The following OTUD4 variants were observed in gnomAD, a reference collection of about 807,000 sequenced individuals.
OTUD4 encodes the protein OTU deubiquitinase 4, also known as OTU domain-containing protein 4.
A neutral mutation model predicts 130.4 loss-of-function variants in OTUD4; 24 were observed. The ratio of observed to expected loss-of-function variants is 0.18; its 90% CI spans 0.13 to 0.26. OTUD4 has a LOEUF of 0.26. Among genes scored for constraint, OTUD4 ranks in the 10% least tolerant of loss-of-function variants. The pLI is 1.00. For synonymous variants in OTUD4, 420 were observed against 472.5 expected (o/e 0.89, Z 1.44); for missense variants, 1,031 against 1,329.4 (o/e 0.78, Z 3.49).
intron 18 of OTUD4, among the ~76,000 whole-genome samples, 198 bp from the exon 19 acceptor site, chr4:145,141,837 T>C (rs140825285): frequency 1.5e-3 from 221 of 152,202 alleles, no homozygotes; most frequent in African/African-American, 5.1e-3. Context: ...TGTCTTCTAA[T>C]AGTAGCTCTT....
chr4:145,158,076 A>G, intron 7 of OTUD4, among the ~76,000 whole-genome samples: 1 of 152,260 alleles, frequency 6.6e-6, no homozygotes, highest in Middle Eastern at 3.2e-3. Flanking sequence ...AAGTCAGTCT[A>G]TTCTAGAATT....
In OTUD4 at chr4:145,180,550, A is replaced by G. The variant is rs1752646740; in HGVS notation, c.-577T>C. 6.6e-6 allele frequency among the ~76,000 whole-genome samples: 1 copy of G among 152,160 alleles called. No individual in the cohort carries two copies. The highest frequency in any genetic ancestry group is 2.1e-4 in the South Asian group (1 of 4,834). ...GAGAGAACAGCACCTCGCAGCCCAGAATTTGTTTTCGCTTTCGGCCCGACA... is the reference window on the plus strand; with the variant it reads ...GAGAGAACAGCACCTCGCAGCCCAGGATTTGTTTTCGCTTTCGGCCCGACA... On this transcript the variant is annotated 5_prime_UTR_variant, in exon 1 of 21. Transcript: ENST00000447906.
rs762042941 is a variant in OTUD4 at position 145,137,980 on chromosome 4, G to C, written c.2795C>G (p.Pro932Arg). Residue 932 changes from proline (P) to arginine (R), a missense_variant, in exon 21 of 21, where the codon CCG (proline) becomes CGG (arginine). Coordinates refer to ENST00000447906, the MANE Select transcript of OTUD4 (RefSeq NM_001366057.1). ...AGATTGCTCTGTCCGGCCTTCGTCC[G>C]GCTTACTGCTCACACTTGCTTCAGG... ...SLPEASVSSK[P>R]DEGRTEQSSQ... 19 of 1,613,980 alleles carry C rather than the reference G, an allele frequency of 1.2e-5. No homozygotes were observed. The highest frequency in any genetic ancestry group is 1.6e-5 in the Non-Finnish European group (19 of 1,180,034).
In OTUD4 at chr4:145,137,293, G is replaced by A; in HGVS notation, c.*137C>T. On this transcript the variant is annotated 3_prime_UTR_variant, in exon 21 of 21. Transcript: ENST00000447906. ...ACTCATGTCCAAAATGTCTTGTCCAGTATGGGAGTGAAGGTAAGGGGGGCT... is the reference window on the plus strand; with the variant it reads ...ACTCATGTCCAAAATGTCTTGTCCAATATGGGAGTGAAGGTAAGGGGGGCT... 1.4e-6 allele frequency: 1 copy of A among 699,060 alleles called. No homozygotes were observed. Among genetic ancestry groups the A allele is most frequent in the African/African-American group, 1.8e-5 (1 of 56,306 alleles). 43.3% of individuals were successfully genotyped at this position (699,060 alleles called of 1,614,324 possible). A position where few individuals can be genotyped will look rare whatever the true frequency, so the allele number is the denominator to read the frequency against.
chr4:145,140,877 T>A (rs896109531), intron 19 of OTUD4, among the ~76,000 whole-genome samples: 3 of 151,216 alleles, frequency 2.0e-5, no homozygotes, highest in East Asian at 1.9e-4. Context: ...CAAAAAAAAA[T>A]TTTCTGGGCC....
intron 3 of OTUD4, among the ~76,000 whole-genome samples, chr4:145,166,442 C>A (rs1184241186): frequency 1.3e-5 from 2 of 151,652 alleles, no homozygotes; most frequent in Non-Finnish European, 2.9e-5. Flanking sequence ...AGAAATATTT[C>A]ACATCTACAA....
intron 16 of OTUD4, 62 bp from the exon 17 acceptor site, chr4:145,143,507 T>C: frequency 2.1e-6 from 2 of 947,850 alleles, no homozygotes; most frequent in South Asian, 2.8e-5. Flanking sequence ...GGAATATTGA[T>C]GGTTTCCTTT....
intron 1 of OTUD4, among the ~76,000 whole-genome samples, chr4:145,178,994 T>G (rs1465429965): frequency 1.3e-5 from 2 of 152,060 alleles, no homozygotes; most frequent in African/African-American, 4.8e-5. Flanking sequence ...GCAGCTATTT[T>G]TCAATATAGG....
chr4:145,144,505 T>G, intron 14 of OTUD4, 71 bp from the exon 15 acceptor site: 1 of 1,398,646 alleles, frequency 7.1e-7, no homozygotes, highest in East Asian at 2.4e-5. Flanking sequence ...AATTCTGTAA[T>G]TAATCTCACT....
intron 10 of OTUD4, among the ~76,000 whole-genome samples, chr4:145,152,841 C>A (rs899274323): frequency 2.0e-5 from 3 of 152,012 alleles, no homozygotes; most frequent in African/African-American, 7.2e-5. Context: ...CTACCTTAGC[C>A]TCCCAAGTAG....
intron 1 of OTUD4, 41 bp from the exon 2 acceptor site, chr4:145,174,785 T>C (rs749988208): frequency 4.3e-5 from 50 of 1,157,348 alleles, no homozygotes; most frequent in Non-Finnish European, 6.1e-5. Context: ...AAGCATTTAG[T>C]TAAAAGTTAC....
Position 145,141,424 on chromosome 4 carries a change from C to A in OTUD4, c.2038G>T (p.Val680Leu). ...PCNEKGDRAIVPPYSLCQTGE... is the reference protein window; with the variant it reads ...PCNEKGDRAILPPYSLCQTGE... Reference sequence around the variant, plus strand: ...GTCTGACACAGTGAATAAGGTGGTACAATGGCTCGATCTCCCTTTTCATTA... The same window carrying A: ...GTCTGACACAGTGAATAAGGTGGTAAAATGGCTCGATCTCCCTTTTCATTA... Residue 680 changes from valine to leucine, a missense_variant, in exon 19 of 21, where the codon GTA becomes TTA. Val to Leu is a conservative substitution (Grantham distance 32, BLOSUM62 1). This residue lies in a region of OTUD4 where 900 missense variants were observed against 1,095.9 expected (regional missense o/e 0.82). Transcript: ENST00000447906. 1 of 1,613,436 alleles carries A rather than the reference C, an allele frequency of 6.2e-7. No homozygotes were observed. Among genetic ancestry groups the A allele is most frequent in the Non-Finnish European group, 8.5e-7 (1 of 1,179,608 alleles).
At position 145,142,311 on chromosome 4, in the gene OTUD4, C is replaced by G. The variant is rs570662194; in HGVS notation, c.1707G>C (p.Leu569Phe). The G allele has an allele frequency of 4.9e-5, 79 of 1,613,822 alleles. No individual in the cohort carries two copies. The highest frequency in any genetic ancestry group is 6.7e-5 in the Non-Finnish European group (79 of 1,179,898). Residue 569 changes from leucine (L) to phenylalanine (F), a missense_variant, in exon 18 of 21, where the codon TTG (leucine) becomes TTC (phenylalanine). This residue lies in a region of OTUD4 where 900 missense variants were observed against 1,095.9 expected (regional missense o/e 0.82). Coordinates refer to ENST00000447906, the MANE Select transcript of OTUD4 (RefSeq NM_001366057.1). ...AEQKPAEHVS[L>F]SNPAPLLVSP... is the part of the protein sequence containing the mutation. ...AAACTAGAAGGGGAGCTGGATTTGA[C>G]AAAGACACATGTTCTGCTGGCTTCT...
intron 20 of OTUD4, among the ~76,000 whole-genome samples, chr4:145,138,995 C>A (rs865891189): frequency 2.0e-5 from 3 of 152,244 alleles, no homozygotes; most frequent in Middle Eastern, 3.4e-3. Context: ...CAGTTAACAT[C>A]TGAATTTGTT....
rs1009503304 is a variant in OTUD4 at position 145,136,136 on chromosome 4, TAAAG to T, written c.*1290_*1293del. 13 of 152,598 alleles carry T rather than the reference TAAAG, an allele frequency of 8.5e-5. No homozygotes were observed. The highest frequency in any genetic ancestry group is 5.2e-4 in the Admixed American group (8 of 15,294). The allele number at this position is 152,598 out of a possible 1,614,324, so 9.5% of individuals were successfully genotyped here. A position where few individuals can be genotyped will look rare whatever the true frequency, so the allele number is the denominator to read the frequency against. On this transcript the variant is annotated 3_prime_UTR_variant, in exon 21 of 21. Transcript: ENST00000447906. ...GGATTTTCACATTGGTATGCACAAA[TAAAG>T]AATATAAGCTACAGTTATTTTTACA... is the stretch of plus-strand genomic sequence containing the variant.
chr4:145,148,939 A>G (rs574209852), intron 13 of OTUD4, among the ~76,000 whole-genome samples: 2 of 152,238 alleles, frequency 1.3e-5, no homozygotes, highest in Admixed American at 6.5e-5. Context: ...CTAGTTGATT[A>G]GTGGCATAAA....
chr4:145,166,217 T>C (rs746794285), intron 3 of OTUD4, among the ~76,000 whole-genome samples: 3 of 149,650 alleles, frequency 2.0e-5, no homozygotes, highest in Non-Finnish European at 3.0e-5. Flanking sequence ...TTGGGAAGTA[T>C]AGAAAAGGGC....
At chr4:145,139,757 CA>C (rs201699389) in intron 20 of OTUD4, among the ~76,000 whole-genome samples, 193 bp downstream of exon 20, 1,884 of 152,082 alleles carry the variant, frequency 0.012, 44 homozygotes, top group African/African-American at 0.042. Flanking sequence ...CCAGTTAAGA[CA>C]AAAAAGTAAG....
chr4:145,137,147 T>C lies in OTUD4; in HGVS notation c.*283A>G. On this transcript the variant is annotated 3_prime_UTR_variant, in exon 21 of 21. Transcript: ENST00000447906. The stretch of plus-strand genomic sequence containing the variant: ...AAATCTATAATGTTTTATATTAAGC[T>C]GTTTATAAAAAATACTTTAACAAAC... 3.3e-6 allele frequency: 1 copy of C among 298,754 alleles called. No homozygotes were observed. Among genetic ancestry groups the C allele is most frequent in the Non-Finnish European group, 6.2e-6 (1 of 161,418 alleles). The allele number at this position is 298,754 out of a possible 1,614,324, so 18.5% of individuals were successfully genotyped here.
Sources: allele counts gnomAD v4.1 joint callset (sites outside exome capture counted in the v4.1 genomes callset), GRCh38; gene constraint gnomAD v4.1.1; regional missense constraint gnomAD v4.1.1; transcripts MANE v1.5; gene names NCBI Gene and HGNC (gene_info 2026-07-23, HGNC 2026-07-21).